Variants in CLIP3 observed in about 807,000 individuals in gnomAD.
CLIP3 encodes the protein CAP-Gly domain-containing linker protein 3.
Under a neutral mutation model 59.4 loss-of-function variants are expected in CLIP3, and 15 were observed. The ratio of observed to expected loss-of-function variants is 0.25; its 90% CI spans 0.17 to 0.39. CLIP3 has a LOEUF of 0.39. CLIP3 is among the 10% of genes least tolerant of loss of function. CLIP3 has a pLI of 1.00. For synonymous variants in CLIP3, 300 were observed against 321.6 expected, an observed-to-expected ratio of 0.93 and a Z score of 0.72; for missense variants, 495 against 765.7, an observed-to-expected ratio of 0.65 and a Z score of 4.17.
In CLIP3 at chr19:36,026,415, G is replaced by T; in HGVS notation, c.563-150C>A. The T allele has an allele frequency of 9.1e-7, 1 of 1,100,854 alleles. No individual in the cohort carries two copies. Among genetic ancestry groups the T allele is most frequent in the Non-Finnish European group, 1.3e-6 (1 of 773,056 alleles). The allele number at this position is 1,100,854 out of a possible 1,614,324, so 68.2% of individuals were successfully genotyped here. A position where few individuals can be genotyped will look rare whatever the true frequency, so the allele number is the denominator to read the frequency against. On this transcript the variant is annotated intron_variant, in intron 5 of 13. Coordinates refer to ENST00000360535, the MANE Select transcript of CLIP3 (RefSeq NM_015526.3). The surrounding 1 kb of genome is among the most constrained non-coding windows in gnomAD (Gnocchi z 6.3). ...CTCGGAGCCCCCCTCTCCCTTGGCA[G>T]CCCCGACCCTCCCTAGAGTGGTAGT...
rs547716033 is a variant in CLIP3, at chr19:36,016,126, G to C, written c.*32C>G. 9 of 1,612,756 alleles carry C rather than the reference G, an allele frequency of 5.6e-6. No homozygotes were observed. The South Asian group carries it at 9.9e-5, about 18-fold the overall frequency. On this transcript the variant is annotated 3_prime_UTR_variant, in exon 14 of 14. Coordinates refer to ENST00000360535, the MANE Select transcript of CLIP3 (RefSeq NM_015526.3). This position sits in a 1 kb window ranked among gnomAD's most constrained non-coding sequence, Gnocchi z 4.1. Reference sequence around the variant, plus strand: ...TCGGGTGTCAGGAGATGCTAGTGGGGACTCTGTCTCTTTGTCAGGTGTCCA... The same window carrying C: ...TCGGGTGTCAGGAGATGCTAGTGGGCACTCTGTCTCTTTGTCAGGTGTCCA...
rs1968839102 is a variant in CLIP3, at chr19:36,017,756, C to T, written c.1350G>A (p.Leu450=). Residue 450 remains leucine (L), a synonymous_variant, in exon 11 of 14, where the codon CTG becomes CTA. Coordinates refer to ENST00000360535, the MANE Select transcript of CLIP3 (RefSeq NM_015526.3). ...CATCATGCTTGCCTGTGGGCTGGTC[C>T]AGCTCAATGCCATACCAGTAACCTG... ...FAPGYWYGIE[L]DQPTGKHDGS... is the part of the protein sequence containing the mutation. 20 of 1,614,144 alleles carry T rather than the reference C, an allele frequency of 1.2e-5. No homozygotes were observed. Among genetic ancestry groups the T allele is most frequent in the Non-Finnish European group, 1.7e-5 (20 of 1,180,018 alleles).
At chr19:36,021,935 G>A (rs544544492) in intron 7 of CLIP3, among the ~76,000 whole-genome samples, 2 of 152,098 alleles carry the variant, frequency 1.3e-5, no homozygotes, top group South Asian at 4.2e-4. Flanking sequence ...CTGGAGTGCA[G>A]TGGCATGATC....
intron 2 of CLIP3, 62 bp from the exon 3 acceptor site, chr19:36,027,333 A>G: frequency 6.5e-7 from 1 of 1,527,880 alleles, no homozygotes; most frequent in Non-Finnish European, 8.8e-7. Flanking sequence ...CAGCCTCAGT[A>G]GGGGAGCTGT....
chr19:36,019,072 TC>T (rs1428154369), intron 8 of CLIP3, 46 bp from the exon 9 acceptor site: 2 of 1,589,492 alleles, frequency 1.3e-6, no homozygotes, highest in African/African-American at 2.7e-5. Flanking sequence ...GCCTCTGCCC[TC>T]GGCCCCCATC....
chr19:36,030,273 G>A (rs1244094111), intron 2 of CLIP3, among the ~76,000 whole-genome samples: 4 of 151,992 alleles, frequency 2.6e-5, no homozygotes, highest in Admixed American at 2.6e-4. Context: ...GGCTGATCTC[G>A]AACTCCTGGC....
rs1969116862 is a variant in CLIP3, at chr19:36,026,574, TCTC to T, written c.562+9_562+11del. Reference sequence around the variant, plus strand: ...GTCCTTGCCCCCTCCCAGCCAGGGCTCTCCTCCTCACCTCGCGGCCTCGCACCC... The same window carrying T: ...GTCCTTGCCCCCTCCCAGCCAGGGCTCTCCTCACCTCGCGGCCTCGCACCC... On this transcript the variant is annotated intron_variant, in intron 5 of 13. Coordinates refer to ENST00000360535, the MANE Select transcript of CLIP3 (RefSeq NM_015526.3). The surrounding 1 kb of genome is among the most constrained non-coding windows in gnomAD (Gnocchi z 6.3). 6.8e-6 allele frequency: 11 copies of T among 1,612,714 alleles called. No homozygotes were observed. Among genetic ancestry groups the T allele is most frequent in the Non-Finnish European group, 9.3e-6 (11 of 1,179,572 alleles).
chr19:36,029,004 T>C (rs1236627613), intron 2 of CLIP3, among the ~76,000 whole-genome samples: 2 of 137,790 alleles, frequency 1.5e-5, no homozygotes, highest in Non-Finnish European at 3.1e-5. Flanking sequence ...CTCTTTTTTT[T>C]TTTTTTTTTT....
intron 7 of CLIP3, among the ~76,000 whole-genome samples, chr19:36,023,804 C>A (rs1403584475): frequency 6.6e-6 from 1 of 152,168 alleles, no homozygotes; most frequent in African/African-American, 2.4e-5. Context: ...ACAGCCCTCC[C>A]TCCCTAAGGA....
At chr19:36,020,788 G>C (rs971220257) in intron 7 of CLIP3, among the ~76,000 whole-genome samples, 6 of 152,164 alleles carry the variant, frequency 3.9e-5, no homozygotes, top group Non-Finnish European at 7.3e-5. Flanking sequence ...GGCTGTTATA[G>C]AGAAATTAAA....
intron 7 of CLIP3, among the ~76,000 whole-genome samples, chr19:36,021,047 C>T (rs745618440): frequency 6.6e-5 from 10 of 151,970 alleles, no homozygotes; most frequent in Non-Finnish European, 1.2e-4. Context: ...CAACAACAAA[C>T]TTTTGTTAAA....
At position 36,017,782 on chromosome 19, in the gene CLIP3, C is replaced by T. The variant is rs767221154; in HGVS notation, c.1328-4G>A. On this transcript the variant is annotated splice_polypyrimidine_tract_variant and splice_region_variant and intron_variant, in intron 10 of 13. Transcript: ENST00000360535. ...AGCTCAATGCCATACCAGTAACCTG[C>T]AGCACGAGGGTGTCAGGATTTCTCA... The T allele has an allele frequency of 6.2e-7, 1 of 1,614,158 alleles. No individual in the cohort carries two copies. Among genetic ancestry groups the T allele is most frequent in the Non-Finnish European group, 8.5e-7 (1 of 1,180,018 alleles).
rs372057691 is a variant in CLIP3, at chr19:36,016,102, C to T, written c.*56G>A. 58 of 1,587,028 alleles carry T rather than the reference C, an allele frequency of 3.7e-5. No homozygotes were observed. The highest frequency in any genetic ancestry group is 1.7e-4 in the African/African-American group (13 of 74,452). On this transcript the variant is annotated 3_prime_UTR_variant, in exon 14 of 14. Coordinates refer to ENST00000360535, the MANE Select transcript of CLIP3 (RefSeq NM_015526.3). This position sits in a 1 kb window ranked among gnomAD's most constrained non-coding sequence, Gnocchi z 4.1. ...TATCTCAGGGTGACTCAGGGCTCCT[C>T]GGGTGTCAGGAGATGCTAGTGGGGA...
rs113712760 is a variant in CLIP3, at chr19:36,019,603, A to ATTT, written c.919-300_919-298dup. ...GTAAATTTATTTATTTATTTATTTT[A>ATTT]TTTATTTTTTTTTTTTTCGAGACAG... On this transcript the variant is annotated intron_variant, in intron 7 of 13. Coordinates refer to ENST00000360535, the MANE Select transcript of CLIP3 (RefSeq NM_015526.3). Among the ~76,000 whole-genome samples, 7 of 122,522 alleles carry ATTT rather than the reference A, an allele frequency of 5.7e-5. No individual in the cohort carries two copies. The East Asian group carries it at 1.7e-3, about 29-fold the overall frequency. 80.4% of individuals were successfully genotyped at this position (122,522 alleles called of 152,430 possible).
intron 2 of CLIP3, among the ~76,000 whole-genome samples, chr19:36,028,566 C>T (rs1230772888): frequency 6.6e-6 from 1 of 152,164 alleles, no homozygotes. Context: ...TCAGATTATA[C>T]ACAGCCCAGG....
rs77163653 is a variant in CLIP3 at position 36,026,559 on chromosome 19, C to G, written c.562+27G>C. ...GCGTCCCTCACCCAGGTCCTTGCCC[C>G]CTCCCAGCCAGGGCTCTCCTCCTCA... is the stretch of plus-strand genomic sequence containing the variant. On this transcript the variant is annotated intron_variant, in intron 5 of 13. Transcript: ENST00000360535. This position sits in a 1 kb window ranked among gnomAD's most constrained non-coding sequence, Gnocchi z 6.3. 0.097 allele frequency: 156,082 copies of G among 1,610,910 alleles called. 8,946 individuals carry two copies. The highest frequency in any genetic ancestry group is 0.24 in the Admixed American group (14,140 of 59,868).
At position 36,017,903 on chromosome 19, in the gene CLIP3, G is replaced by C. The variant is rs752063040; in HGVS notation, c.1272C>G (p.Val424=). Residue 424 remains valine, a synonymous_variant, in exon 10 of 14, where the codon GTC becomes GTG. Transcript: ENST00000360535. ...GCACGATCCCCTGCTTCTGGCCCGC[G>C]ACAAGGACCTGGTCTCCAACCTCAG... ...AKAEVGDQVL[V]AGQKQGIVRF... 1 of 1,614,066 alleles carries C rather than the reference G, an allele frequency of 6.2e-7. No individual in the cohort carries two copies. The highest frequency in any genetic ancestry group is 2.2e-5 in the East Asian group (1 of 44,880).
At position 36,032,326 on chromosome 19, in the gene CLIP3, G is replaced by A. The variant is rs200629687; in HGVS notation, c.32C>T (p.Pro11Leu). 280 of 1,273,058 alleles carry A rather than the reference G, an allele frequency of 2.2e-4. 3 individuals carry two copies. The East Asian group carries it at 6.3e-3, about 29-fold the overall frequency. The allele number at this position is 1,273,058 out of a possible 1,614,324, so 78.9% of individuals were successfully genotyped here. The change falls in exon 2 of 14, where the codon CCG becomes CTG. Residue 11 changes from proline to leucine, a missense_variant. By Grantham distance (98) the Pro-to-Leu change is moderately conservative. Around this residue, in one of 5 missense-constraint regions of CLIP3, gnomAD observed 90 missense variants for 105.2 expected, o/e 0.86. Transcript: ENST00000360535. This position sits in a 1 kb window ranked among gnomAD's most constrained non-coding sequence, Gnocchi z 4.3. MTKTDPAPMAPPPRGEEEEEE... is the reference protein window; with the variant it reads MTKTDPAPMALPPRGEEEEEE... ...TTCTTCCTCCTCTCCTCGGGGTGGCGGGGCCATCGGGGCAGGATCTGTCTT... is the reference window on the plus strand; with the variant it reads ...TTCTTCCTCCTCTCCTCGGGGTGGCAGGGCCATCGGGGCAGGATCTGTCTT...
In CLIP3 at chr19:36,016,786, C is replaced by G. The variant is rs2145386251; in HGVS notation, c.1589+121G>C. ...TGTTTCTGGGTATGCTTACAAGTCA[C>G]AAGTTTTCCTAACCTCTCTTTCCAG... On this transcript the variant is annotated intron_variant, in intron 13 of 13. Coordinates refer to ENST00000360535, the MANE Select transcript of CLIP3 (RefSeq NM_015526.3). This position sits in a 1 kb window ranked among gnomAD's most constrained non-coding sequence, Gnocchi z 4.1. The G allele has an allele frequency of 9.6e-7, 1 of 1,037,912 alleles. No homozygotes were observed. Among genetic ancestry groups the G allele is most frequent in the Non-Finnish European group, 1.5e-6 (1 of 688,660 alleles). The allele number at this position is 1,037,912 out of a possible 1,614,324, so 64.3% of individuals were successfully genotyped here. A position where few individuals can be genotyped will look rare whatever the true frequency, so the allele number is the denominator to read the frequency against.
Sources: allele counts gnomAD v4.1 joint callset (sites outside exome capture counted in the v4.1 genomes callset), GRCh38; gene constraint gnomAD v4.1.1; regional missense constraint gnomAD v4.1.1; non-coding constraint Gnocchi (gnomAD v3.1); transcripts MANE v1.5; gene names NCBI Gene and HGNC (gene_info 2026-07-23, HGNC 2026-07-21).